ZFYVE1: variants seen among roughly 807,000 people sequenced by gnomAD.
The protein encoded by ZFYVE1 is zinc finger FYVE-type containing 1, also known as zinc finger FYVE domain-containing protein 1.
A neutral mutation model predicts 74.4 loss-of-function variants in ZFYVE1; 30 were observed. That is an observed-to-expected ratio of 0.40 (90% CI 0.30 to 0.55). ZFYVE1 has a LOEUF of 0.55. Ranked by LOEUF, ZFYVE1 falls within the 20% of genes least tolerant of loss-of-function variation. The probability of loss-of-function intolerance (pLI) is 0.42; values close to 1 mark genes in which losing one functional copy is unlikely to be tolerated. For missense variants in ZFYVE1, 703 were observed against 1,011.6 expected (o/e 0.69, Z 4.14); for synonymous variants, 335 against 385.1 (o/e 0.87, Z 1.52).
rs1185511028 is a variant in ZFYVE1 at position 73,023,303 on chromosome 14, TTA to T, written c.483+721_483+722del. Reference sequence around the variant, plus strand: ...ATATATGTTTTATATATAATATATATTATATATGTTTTATATATAATATATAT... The same window carrying T: ...ATATATGTTTTATATATAATATATATTATATGTTTTATATATAATATATAT... On this transcript the variant is annotated intron_variant, in intron 2 of 11. Coordinates refer to ENST00000556143, the MANE Select transcript of ZFYVE1 (RefSeq NM_021260.4). Among the ~76,000 whole-genome samples the T allele has an allele frequency of 1.6e-3, 162 of 103,740 alleles. 1 individual carries two copies. Among genetic ancestry groups the T allele is most frequent in the Middle Eastern group, 4.2e-3 (1 of 236 alleles). 68.1% of individuals were successfully genotyped at this position (103,740 alleles called of 152,430 possible).
intron 11 of ZFYVE1, among the ~76,000 whole-genome samples, chr14:72,972,053 C>G (rs537307877): frequency 2.8e-4 from 42 of 152,228 alleles, no homozygotes; most frequent in African/African-American, 4.8e-5. Flanking sequence ...GAAACCCTGT[C>G]TCTACTAAAA....
chr14:73,026,206 G>GA (rs1894457300), intron 1 of ZFYVE1, among the ~76,000 whole-genome samples: 1 of 149,132 alleles, frequency 6.7e-6, no homozygotes, highest in African/African-American at 2.5e-5. Flanking sequence ...GGCCTGCAGT[G>GA]AATCAAAACA....
At chr14:73,012,203 T>C (rs902997702) in intron 2 of ZFYVE1, among the ~76,000 whole-genome samples, 2 of 152,128 alleles carry the variant, frequency 1.3e-5, no homozygotes, top group Admixed American at 6.6e-5. Flanking sequence ...AGATAGGTTG[T>C]CTGTCAAATA....
At chr14:72,991,485 G>C (rs543415032) in intron 4 of ZFYVE1, among the ~76,000 whole-genome samples, 1 of 151,388 alleles carries the variant, frequency 6.6e-6, no homozygotes, top group East Asian at 1.9e-4. Flanking sequence ...CACCGCGCCC[G>C]GCCCCTGATG....
In ZFYVE1 at chr14:73,024,430, T is replaced by G; in HGVS notation, c.79A>C (p.Thr27Pro). The G allele has an allele frequency of 6.2e-7, 1 of 1,614,088 alleles. No individual in the cohort carries two copies. The highest frequency in any genetic ancestry group is 8.5e-7 in the Non-Finnish European group (1 of 1,179,980). The part of the protein sequence containing the change: ...MCQESYACSG[T>P]DEAIFECDEC... ...TCACACTCAAAGATAGCTTCATCAG[T>G]CCCGCTGCAAGCGTAACTTTCCTGG... The change falls in exon 2 of 12, where the codon ACT becomes CCT. Residue 27 changes from threonine (T) to proline (P), a missense_variant. Physicochemically the swap from Thr to Pro is conservative, Grantham distance 38. This residue lies in a region of ZFYVE1 where 211 missense variants were observed against 221.7 expected (regional missense o/e 0.95). Transcript: ENST00000556143.
At chr14:72,971,309 G>A (rs1893028879) in intron 11 of ZFYVE1, among the ~76,000 whole-genome samples, 195 bp from the exon 12 acceptor site, 1 of 152,176 alleles carries the variant, frequency 6.6e-6, no homozygotes, top group Non-Finnish European at 1.5e-5. Context: ...TGTCGCATAG[G>A]CACTGATTTT....
Position 73,004,213 on chromosome 14 carries a change from G to A in ZFYVE1, c.484-5898C>T, listed in dbSNP as rs371823305. Among the ~76,000 whole-genome samples, 56 of 152,248 alleles carry A rather than the reference G, an allele frequency of 3.7e-4. 2 individuals carry two copies. In the South Asian group the frequency reaches 0.011, roughly 30 times the overall value. The stretch of plus-strand genomic sequence containing the variant: ...AAGCTCCGTAAAGCTCTACCGGCAC[G>A]GAGTCAGGTGAGCTCAGGGTGGCTG... On this transcript the variant is annotated intron_variant, in intron 2 of 11. Coordinates refer to ENST00000556143, the MANE Select transcript of ZFYVE1 (RefSeq NM_021260.4).
At position 72,992,624 on chromosome 14, in the gene ZFYVE1, G is replaced by T. The variant is rs55758818; in HGVS notation, c.1203+519C>A. ...GAGGTCCCATTCAGGTGCCCCCCCC[G>T]CCCCTTGCAAGAGAGAGAGAGCTGT... On this transcript the variant is annotated intron_variant, in intron 4 of 11. Coordinates refer to ENST00000556143, the MANE Select transcript of ZFYVE1 (RefSeq NM_021260.4). Among the ~76,000 whole-genome samples the T allele has an allele frequency of 3.5e-4, 25 of 71,864 alleles. 5 individuals are homozygous for T. The highest frequency in any genetic ancestry group is 7.1e-4 in the African/African-American group (12 of 16,988). The allele number at this position is 71,864 out of a possible 152,430, so 47.1% of individuals were successfully genotyped here.
chr14:73,024,001 A>C, intron 2 of ZFYVE1, 25 bp downstream of exon 2: 1 of 1,604,720 alleles, frequency 6.2e-7, no homozygotes, highest in South Asian at 1.1e-5. Flanking sequence ...ACTACACATG[A>C]ATCCCACTAT....
rs771474758 is a variant in ZFYVE1 at position 73,023,976 on chromosome 14, C to A, written c.483+50G>T. The A allele has an allele frequency of 1.1e-5, 18 of 1,575,738 alleles. No homozygotes were observed. The East Asian group carries it at 3.8e-4, about 33-fold the overall frequency. Reference sequence around the variant, plus strand: ...TCGTTTTTTGAGAGCTGGCTTCCAACAACAGATCTGCTCCACTACACATGA... The same window carrying A: ...TCGTTTTTTGAGAGCTGGCTTCCAAAAACAGATCTGCTCCACTACACATGA... On this transcript the variant is annotated intron_variant, in intron 2 of 11. Transcript: ENST00000556143.
At chr14:72,988,005 T>C (rs1221820556) in intron 4 of ZFYVE1, among the ~76,000 whole-genome samples, 1 of 152,172 alleles carries the variant, frequency 6.6e-6, no homozygotes, top group African/African-American at 2.4e-5. Context: ...CACACACATA[T>C]GTGCATGCAT....
At chr14:73,023,199 A>G (rs1567366555) in intron 2 of ZFYVE1, among the ~76,000 whole-genome samples, 2 of 137,060 alleles carry the variant, frequency 1.5e-5, no homozygotes, top group African/African-American at 2.7e-5. Flanking sequence ...TATATTTTAT[A>G]TATGTTTTAT....
Position 72,975,559 on chromosome 14 carries a change from G to T in ZFYVE1, c.1798C>A (p.Gln600Lys), listed in dbSNP as rs1223869586. 1 of 1,612,240 alleles carries T rather than the reference G, an allele frequency of 6.2e-7. No individual in the cohort carries two copies. The highest frequency in any genetic ancestry group is 8.5e-7 in the Non-Finnish European group (1 of 1,179,184). ...ATCCTGGCACACCATACCAGAATCTGGGAGTTGGGCCTCCAGTAGGCAGGG... is the reference window on the plus strand; with the variant it reads ...ATCCTGGCACACCATACCAGAATCTTGGAGTTGGGCCTCCAGTAGGCAGGG... ...IAPAYWRPNS[Q>K]ILSCNKCATS... Residue 600 changes from glutamine (Q) to lysine (K), a missense_variant, in exon 9 of 12, where the codon CAG becomes AAG. Transcript: ENST00000556143. This position sits in a 1 kb window ranked among gnomAD's most constrained non-coding sequence, Gnocchi z 4.1.
chr14:72,985,992 G>A (rs1250935525), intron 4 of ZFYVE1, among the ~76,000 whole-genome samples: 1 of 152,158 alleles, frequency 6.6e-6, no homozygotes, highest in Non-Finnish European at 1.5e-5. Context: ...GTTTTCCTAA[G>A]GACAAATGAT....
chr14:73,005,082 A>C (rs1425653276), intron 2 of ZFYVE1, among the ~76,000 whole-genome samples: 1 of 152,044 alleles, frequency 6.6e-6, no homozygotes, highest in East Asian at 1.9e-4. Context: ...TGGCACACTG[A>C]AACCACACTT....
At chr14:72,976,051 T>C (rs1893162010) in intron 8 of ZFYVE1, 1 of 239,472 alleles carries the variant, frequency 4.2e-6, no homozygotes. Flanking sequence ...AGGAATCCTA[T>C]TTCTGTGTGT....
At chr14:73,012,481 A>T (rs1370566374) in intron 2 of ZFYVE1, among the ~76,000 whole-genome samples, 1 of 152,046 alleles carries the variant, frequency 6.6e-6, no homozygotes, top group East Asian at 1.9e-4. Flanking sequence ...AATTAGCTGG[A>T]CGTAGTGGTG....
At chr14:73,019,524 A>T (rs115352246) in intron 2 of ZFYVE1, among the ~76,000 whole-genome samples, 1 of 152,228 alleles carries the variant, frequency 6.6e-6, no homozygotes, top group African/African-American at 2.4e-5. Context: ...CTTTACTGCT[A>T]TTAGGAAGTT....
chr14:72,978,583 AAAAAAAAAAAAAAG>A (rs1236927829), intron 6 of ZFYVE1, among the ~76,000 whole-genome samples: 15 of 150,198 alleles, frequency 1.0e-4, no homozygotes, highest in African/African-American at 2.9e-4. Context: ...AAAAAAAAAA[AAAAAAAAAAAAAAG>A]AATGAATGTT....
Sources: gnomAD v4.1 joint callset for allele counts (sites outside exome capture counted in the v4.1 genomes callset) on GRCh38, gnomAD v4.1.1 for gene constraint, gnomAD v4.1.1 regional missense constraint, Gnocchi (gnomAD v3.1) non-coding constraint, MANE v1.5 for transcripts, NCBI Gene and HGNC (gene_info 2026-07-23, HGNC 2026-07-21) for gene names.